Variants in SDK1 observed in about 807,000 individuals in gnomAD.
SDK1 encodes the protein sidekick cell adhesion molecule 1.
SDK1 carries 157 observed loss-of-function variants against 245.5 expected under a neutral mutation model. The ratio of observed to expected loss-of-function variants is 0.64; its 90% CI spans 0.56 to 0.73. The LOEUF is 0.73. Ranked by LOEUF, SDK1 falls within the 30% of genes least tolerant of loss-of-function variation. The pLI is 0.00. For missense variants in SDK1, 3,583 were observed against 3,002.3 expected, an observed-to-expected ratio of 1.19 and a Z score of -4.52; for synonymous variants, 1,647 against 1,278.5, an observed-to-expected ratio of 1.29 and a Z score of -6.15.
At chr7:3,614,077 C>G (rs1187043195) in intron 1 of SDK1, among the ~76,000 whole-genome samples, 1 of 152,108 alleles carries the variant, frequency 6.6e-6, no homozygotes, top group Non-Finnish European at 1.5e-5. Flanking sequence ...CCCCATAGCA[C>G]AAGTTTACCT....
At chr7:3,397,206 A>AGTT (rs1292545971) in intron 1 of SDK1, among the ~76,000 whole-genome samples, 1 of 151,926 alleles carries the variant, frequency 6.6e-6, no homozygotes, top group Non-Finnish European at 1.5e-5. Flanking sequence ...TGCTTTATAC[A>AGTT]GTTGCCTTTT....
chr7:3,648,475 A>G (rs977035584), intron 4 of SDK1, among the ~76,000 whole-genome samples: 2 of 152,242 alleles, frequency 1.3e-5, no homozygotes, highest in African/African-American at 4.8e-5. Flanking sequence ...GCCAGTAATG[A>G]TCTGGATTGT....
intron 1 of SDK1, among the ~76,000 whole-genome samples, chr7:3,304,098 T>C (rs1779353502): frequency 6.6e-6 from 1 of 152,238 alleles, no homozygotes; most frequent in East Asian, 1.9e-4. Context: ...TTTTATAACC[T>C]AGGTTACAGA....
At chr7:3,882,202 C>G (rs539679570) in intron 5 of SDK1, among the ~76,000 whole-genome samples, 6 of 152,030 alleles carry the variant, frequency 3.9e-5, no homozygotes, top group African/African-American at 1.4e-4. Flanking sequence ...ATCTCCCAGC[C>G]GGTCCCTCCA....
intron 32 of SDK1, among the ~76,000 whole-genome samples, chr7:4,167,554 C>T (rs138521627): frequency 6.6e-6 from 1 of 152,348 alleles, no homozygotes; most frequent in African/African-American, 2.4e-5. Flanking sequence ...TCTCTCCACA[C>T]AGATGGCCAA....
chr7:3,673,662 G>T (rs1023353271), intron 4 of SDK1, among the ~76,000 whole-genome samples: 8 of 151,974 alleles, frequency 5.3e-5, no homozygotes, highest in Non-Finnish European at 1.2e-4. Flanking sequence ...AGGTAGTTTC[G>T]TCTTGCTCTG....
intron 44 of SDK1, among the ~76,000 whole-genome samples, chr7:4,264,546 C>CCTGAGTGAGGGAGGCCGCGTGGACCTCTT (rs1562494959): frequency 1.2e-4 from 17 of 136,926 alleles, no homozygotes; most frequent in African/African-American, 4.3e-4. Context: ...GTGGACCTCT[C>CCTGAGTGAGGGAGGCCGCGTGGACCTCTT]CTGAGTGAGG....
chr7:3,584,208 TA>T (rs1780608626), intron 1 of SDK1, among the ~76,000 whole-genome samples: 1 of 152,180 alleles, frequency 6.6e-6, no homozygotes, highest in East Asian at 1.9e-4. Context: ...GGGCCCTTAA[TA>T]TGCTTTGTGA....
At chr7:3,409,865 T>C (rs892926011) in intron 1 of SDK1, among the ~76,000 whole-genome samples, 1 of 152,158 alleles carries the variant, frequency 6.6e-6, no homozygotes, top group Admixed American at 6.6e-5. Context: ...TAGCAGAGTT[T>C]AAGCGAATGA....
intron 1 of SDK1, among the ~76,000 whole-genome samples, chr7:3,330,619 C>A (rs1780043428): frequency 6.6e-6 from 1 of 152,084 alleles, no homozygotes; most frequent in Non-Finnish European, 1.5e-5. Context: ...ATGCCAGTGC[C>A]ATGGTCTTGG....
chr7:3,970,176 T>C (rs1332633618), intron 11 of SDK1, among the ~76,000 whole-genome samples: 2 of 152,234 alleles, frequency 1.3e-5, no homozygotes, highest in African/African-American at 4.8e-5. Context: ...ACTCAGATTT[T>C]TACAAATCTA....
At chr7:3,589,767 G>A (rs915803837) in intron 1 of SDK1, among the ~76,000 whole-genome samples, 2 of 152,174 alleles carry the variant, frequency 1.3e-5, no homozygotes, top group Admixed American at 6.5e-5. Context: ...CTCCCACTGG[G>A]TCCCTCATGA....
intron 4 of SDK1, among the ~76,000 whole-genome samples, chr7:3,773,761 T>C (rs571181461): frequency 6.6e-6 from 1 of 152,196 alleles, no homozygotes; most frequent in Non-Finnish European, 1.5e-5. Flanking sequence ...CTAAGGTGTA[T>C]ACTTAAGTTC....
intron 35 of SDK1, among the ~76,000 whole-genome samples, chr7:4,196,653 A>G (rs1013271442): frequency 2.7e-5 from 4 of 150,886 alleles, no homozygotes; most frequent in African/African-American, 9.7e-5. Flanking sequence ...TCACCCCCAC[A>G]GTGCTCTGGG....
chr7:3,348,732 T>C (rs938124533), intron 1 of SDK1, among the ~76,000 whole-genome samples: 3 of 152,056 alleles, frequency 2.0e-5, no homozygotes, highest in South Asian at 2.1e-4. Context: ...TGAGCTGTTA[T>C]TTTTTTTAAA....
rs1362819673 is a variant in SDK1, at chr7:4,239,691, A to T, written c.6130+1907A>T. On this transcript the variant is annotated intron_variant, in intron 42 of 44. Transcript: ENST00000404826. Reference sequence around the variant, plus strand: ...CCTATGGCCTGTTTTGATCCTACGGAGCATCCACCAGAGCTGTAGCTGAGC... The same window carrying T: ...CCTATGGCCTGTTTTGATCCTACGGTGCATCCACCAGAGCTGTAGCTGAGC... Among the ~76,000 whole-genome samples the T allele has an allele frequency of 2.6e-5, 4 of 152,154 alleles. No individual in the cohort carries two copies. The East Asian group carries it at 7.7e-4, about 29-fold the overall frequency.
chr7:4,138,169 A>C (rs1345074826), intron 28 of SDK1, among the ~76,000 whole-genome samples: 1 of 152,208 alleles, frequency 6.6e-6, no homozygotes, highest in Non-Finnish European at 1.5e-5. Flanking sequence ...TGCAATTAGC[A>C]GGGATGCCGT....
At chr7:3,383,194 T>C (rs1379362037) in intron 1 of SDK1, among the ~76,000 whole-genome samples, 2 of 152,138 alleles carry the variant, frequency 1.3e-5, no homozygotes, top group East Asian at 1.9e-4. Flanking sequence ...GGGGGATCAA[T>C]TGAGCCAAGA....
chr7:3,314,005 T>TG (rs1779608063), intron 1 of SDK1, among the ~76,000 whole-genome samples: 2 of 152,178 alleles, frequency 1.3e-5, no homozygotes, highest in African/African-American at 4.8e-5. Context: ...AAAGGTATAG[T>TG]GATCAATAAC....
Sources: allele counts gnomAD v4.1 joint callset (sites outside exome capture counted in the v4.1 genomes callset), GRCh38; gene constraint gnomAD v4.1.1; transcripts MANE v1.5; gene names NCBI Gene and HGNC (gene_info 2026-07-23, HGNC 2026-07-21).